The following P2RY1 variants were observed in gnomAD, a reference collection of about 807,000 sequenced individuals.
P2RY1 encodes the protein purinergic receptor P2Y1.
Under a neutral mutation model 22.8 loss-of-function variants are expected in P2RY1, and 14 were observed. That is an observed-to-expected ratio of 0.61 (90% confidence interval 0.41 to 0.96). The LOEUF (loss-of-function observed/expected upper bound fraction) is 0.96, where lower values mean the gene tolerates loss of function less well. Among genes scored for constraint, P2RY1 ranks in the 40% least tolerant of loss-of-function variants. The pLI is 0.00. For missense variants in P2RY1, 395 were observed against 470.3 expected (o/e 0.84, Z 1.48); for synonymous variants, 200 against 195.1 (o/e 1.03, Z -0.21).
In P2RY1 at chr3:152,836,211, A is replaced by G. The variant is rs1202941524; in HGVS notation, c.429A>G (p.Thr143=). The change falls in exon 1 of 1, where the codon ACA becomes ACG. Residue 143 remains threonine, a synonymous_variant. Coordinates refer to ENST00000305097, the MANE Select transcript of P2RY1 (RefSeq NM_002563.5). The surrounding 1 kb of genome is among the most constrained non-coding windows in gnomAD (Gnocchi z 5.6). ...VNLYGSILFL[T]CISAHRYSGV... is the part of the protein sequence containing the mutation. ...TCTATGGCAGCATCTTGTTTCTGAC[A>G]TGCATCAGTGCCCACCGGTACAGCG... The G allele has an allele frequency of 6.2e-7, 1 of 1,614,190 alleles. No homozygotes were observed.
chr3:152,835,635 G>C lies in P2RY1; in HGVS notation c.-148G>C. 1.3e-6 allele frequency: 1 copy of C among 747,336 alleles called. No homozygotes were observed. Among genetic ancestry groups the C allele is most frequent in the Non-Finnish European group, 2.1e-6 (1 of 476,824 alleles). The allele number at this position is 747,336 out of a possible 1,614,324, so 46.3% of individuals were successfully genotyped here. A position where few individuals can be genotyped will look rare whatever the true frequency, so the allele number is the denominator to read the frequency against. ...GCGGGGCCAGAGCTGGCGTGGGCGA[G>C]CCCCTGCGCGCCCCCTCCCGCGGGG... On this transcript the variant is annotated 5_prime_UTR_variant, in exon 1 of 1. Transcript: ENST00000305097.
rs993162182 is a variant in P2RY1, at chr3:152,837,027, T to TA, written c.*130dup. 22 of 765,926 alleles carry TA rather than the reference T, an allele frequency of 2.9e-5. No homozygotes were observed. Among genetic ancestry groups the TA allele is most frequent in the Non-Finnish European group, 4.0e-5 (19 of 476,552 alleles). 47.4% of individuals were successfully genotyped at this position (765,926 alleles called of 1,614,324 possible). On this transcript the variant is annotated 3_prime_UTR_variant, in exon 1 of 1. Coordinates refer to ENST00000305097, the MANE Select transcript of P2RY1 (RefSeq NM_002563.5). Reference sequence around the variant, plus strand: ...AAATCAAACCAAGAAAATAGTGAGTTAAAAAAATAATAGAAGTAGAAATGC... The same window carrying TA: ...AAATCAAACCAAGAAAATAGTGAGTTAAAAAAAATAATAGAAGTAGAAATGC...
rs779538160 is a variant in P2RY1, at chr3:152,840,051, T to C, written c.*3147T>C. 2.0e-5 allele frequency: 3 copies of C among 152,202 alleles called. No homozygotes were observed. Among genetic ancestry groups the C allele is most frequent in the Non-Finnish European group, 2.9e-5 (2 of 68,022 alleles). The allele number at this position is 152,202 out of a possible 1,614,324, so 9.4% of individuals were successfully genotyped here. A position where few individuals can be genotyped will look rare whatever the true frequency, so the allele number is the denominator to read the frequency against. ...GTTGTAGCTATTGTAAAAGTATTTA[T>C]TGAAGAAGCTCACAGTCCTTCAGTT... On this transcript the variant is annotated 3_prime_UTR_variant, in exon 1 of 1. Coordinates refer to ENST00000305097, the MANE Select transcript of P2RY1 (RefSeq NM_002563.5).
rs375587095 is a variant in P2RY1 at position 152,836,284 on chromosome 3, G to A, written c.502G>A (p.Ala168Thr). The A allele has an allele frequency of 3.1e-6, 5 of 1,614,158 alleles. No homozygotes were observed. Among genetic ancestry groups the A allele is most frequent in the Non-Finnish European group, 4.2e-6 (5 of 1,180,024 alleles). The change falls in exon 1 of 1, where the codon GCG becomes ACG. Residue 168 changes from alanine to threonine, a missense_variant. Ala to Thr is a moderately conservative substitution (Grantham distance 58). Coordinates refer to ENST00000305097, the MANE Select transcript of P2RY1 (RefSeq NM_002563.5). The surrounding 1 kb of genome is among the most constrained non-coding windows in gnomAD (Gnocchi z 5.6). ...KSLGRLKKKN[A>T]ICISVLVWLI... is the part of the protein sequence containing the mutation. ...CCTGGGCCGGCTCAAAAAGAAGAAT[G>A]CGATCTGTATCAGCGTGCTGGTGTG... is the stretch of plus-strand genomic sequence containing the variant.
rs774252097 is a variant in P2RY1 at position 152,836,247 on chromosome 3, C to T, written c.465C>T (p.Tyr155=). The change falls in exon 1 of 1, where the codon TAC becomes TAT. Residue 155 remains tyrosine, a synonymous_variant. Transcript: ENST00000305097. The surrounding 1 kb of genome is among the most constrained non-coding windows in gnomAD (Gnocchi z 5.6). ...ISAHRYSGVV[Y]PLKSLGRLKK... ...CCCACCGGTACAGCGGTGTGGTGTA[C>T]CCCCTCAAGTCCCTGGGCCGGCTCA... The T allele has an allele frequency of 1.2e-5, 20 of 1,613,934 alleles. No individual in the cohort carries two copies. The highest frequency in any genetic ancestry group is 1.6e-4 in the Middle Eastern group (1 of 6,084).
rs1212519987 is a variant in P2RY1, at chr3:152,838,997, C to G, written c.*2093C>G. 6.6e-6 allele frequency: 1 copy of G among 152,134 alleles called. No individual in the cohort carries two copies. Among genetic ancestry groups the G allele is most frequent in the African/African-American group, 2.4e-5 (1 of 41,428 alleles). 9.4% of individuals were successfully genotyped at this position (152,134 alleles called of 1,614,324 possible). ...CTTGTACCAGACTTGAACTTGTAGC[C>G]TAATGATACACATTTTTACAATATT... On this transcript the variant is annotated 3_prime_UTR_variant, in exon 1 of 1. Coordinates refer to ENST00000305097, the MANE Select transcript of P2RY1 (RefSeq NM_002563.5).
In P2RY1 at chr3:152,837,023, G is replaced by A. The variant is rs987344001; in HGVS notation, c.*119G>A. ...AAAAAAATCAAACCAAGAAAATAGTGAGTTAAAAAAATAATAGAAGTAGAA... is the reference window on the plus strand; with the variant it reads ...AAAAAAATCAAACCAAGAAAATAGTAAGTTAAAAAAATAATAGAAGTAGAA... On this transcript the variant is annotated 3_prime_UTR_variant, in exon 1 of 1. Coordinates refer to ENST00000305097, the MANE Select transcript of P2RY1 (RefSeq NM_002563.5). 11 of 796,072 alleles carry A rather than the reference G, an allele frequency of 1.4e-5. No homozygotes were observed. The highest frequency in any genetic ancestry group is 2.9e-5 in the Admixed American group (1 of 34,100). The allele number at this position is 796,072 out of a possible 1,614,324, so 49.3% of individuals were successfully genotyped here. A position where few individuals can be genotyped will look rare whatever the true frequency, so the allele number is the denominator to read the frequency against.
In P2RY1 at chr3:152,838,249, T is replaced by G. The variant is rs962038147; in HGVS notation, c.*1345T>G. On this transcript the variant is annotated 3_prime_UTR_variant, in exon 1 of 1. Transcript: ENST00000305097. ...CTAATAGAAGACTATTGGTCAGTGT[T>G]TTCTATTATATTTGTTCTCTGCCAG... 7 of 152,204 alleles carry G rather than the reference T, an allele frequency of 4.6e-5. No homozygotes were observed. Among genetic ancestry groups the G allele is most frequent in the Admixed American group, 2.6e-4 (4 of 15,286 alleles). 9.4% of individuals were successfully genotyped at this position (152,204 alleles called of 1,614,324 possible).
rs573427023 is a variant in P2RY1, at chr3:152,840,250, A to G, written c.*3346A>G. ...AAATATCAGTGTCTTGGAATATTTAAGTCTTCACATTTTTTGGTCTAAAAT... is the reference window on the plus strand; with the variant it reads ...AAATATCAGTGTCTTGGAATATTTAGGTCTTCACATTTTTTGGTCTAAAAT... On this transcript the variant is annotated 3_prime_UTR_variant, in exon 1 of 1. Coordinates refer to ENST00000305097, the MANE Select transcript of P2RY1 (RefSeq NM_002563.5). 3.5e-4 allele frequency: 53 copies of G among 152,326 alleles called. No homozygotes were observed. The highest frequency in any genetic ancestry group is 1.3e-3 in the African/African-American group (53 of 41,582). 9.4% of individuals were successfully genotyped at this position (152,326 alleles called of 1,614,324 possible).
In P2RY1 at chr3:152,835,496, C is replaced by T. The variant is rs1352180238; in HGVS notation, c.-287C>T. ...GTCGGAAAGTTATCCGCGGCGGTTC[C>T]CTGCGCGCCCTGTTGTGTAAGCTCG... On this transcript the variant is annotated 5_prime_UTR_variant, in exon 1 of 1. Coordinates refer to ENST00000305097, the MANE Select transcript of P2RY1 (RefSeq NM_002563.5). The T allele has an allele frequency of 2.3e-6, 1 of 440,622 alleles. No individual in the cohort carries two copies. Among genetic ancestry groups the T allele is most frequent in the Non-Finnish European group, 4.0e-6 (1 of 249,390 alleles). The allele number at this position is 440,622 out of a possible 1,614,324, so 27.3% of individuals were successfully genotyped here. A position where few individuals can be genotyped will look rare whatever the true frequency, so the allele number is the denominator to read the frequency against.
At position 152,840,906 on chromosome 3, in the gene P2RY1, T is replaced by C. The variant is rs976654455; in HGVS notation, c.*4002T>C. 1 of 152,232 alleles carries C rather than the reference T, an allele frequency of 6.6e-6. No homozygotes were observed. The highest frequency in any genetic ancestry group is 2.4e-5 in the African/African-American group (1 of 41,456). 9.4% of individuals were successfully genotyped at this position (152,232 alleles called of 1,614,324 possible). ...TCTGTTAGAGTTTTTTATTCTGTTG[T>C]ACATTGTATTATACACATAATCACA... is the stretch of plus-strand genomic sequence containing the variant. On this transcript the variant is annotated 3_prime_UTR_variant, in exon 1 of 1. Transcript: ENST00000305097.
In P2RY1 at chr3:152,835,758, C is replaced by T. The variant is rs1321957036; in HGVS notation, c.-25C>T. On this transcript the variant is annotated 5_prime_UTR_variant, in exon 1 of 1. Transcript: ENST00000305097. ...CTCGCCGCCTCCTACCCCTCGGAGCCGCCGCCTAAGTCGAGGAGGAGAGAA... is the reference window on the plus strand; with the variant it reads ...CTCGCCGCCTCCTACCCCTCGGAGCTGCCGCCTAAGTCGAGGAGGAGAGAA... 1.3e-6 allele frequency: 2 copies of T among 1,549,512 alleles called. No individual in the cohort carries two copies. Among genetic ancestry groups the T allele is most frequent in the Non-Finnish European group, 1.7e-6 (2 of 1,153,956 alleles).
Position 152,836,676 on chromosome 3 carries a change from C to T in P2RY1, c.894C>T (p.Phe298=). 6.2e-7 allele frequency: 1 copy of T among 1,614,130 alleles called. No homozygotes were observed. Residue 298 remains phenylalanine, a synonymous_variant, in exon 1 of 1, where the codon TTC becomes TTT. Transcript: ENST00000305097. The surrounding 1 kb of genome is among the most constrained non-coding windows in gnomAD (Gnocchi z 5.6). ...LDFQTPAMCA[F]NDRVYATYQV... is the part of the protein sequence containing the mutation. The stretch of plus-strand genomic sequence containing the variant: ...TTCAGACCCCAGCAATGTGTGCTTT[C>T]AATGACAGGGTTTATGCCACGTATC...
Position 152,835,252 on chromosome 3 carries a change from C to T in P2RY1, c.-531C>T, listed in dbSNP as rs1011781978. The T allele has an allele frequency of 6.5e-6, 1 of 153,154 alleles. No individual in the cohort carries two copies. Among genetic ancestry groups the T allele is most frequent in the African/African-American group, 2.4e-5 (1 of 41,482 alleles). 9.5% of individuals were successfully genotyped at this position (153,154 alleles called of 1,614,324 possible). The stretch of plus-strand genomic sequence containing the variant: ...GCTCCGATGGCTGCCAGGAGCTGAG[C>T]TCAGGGTGGGCGGAGGAAGCGGTTA... On this transcript the variant is annotated 5_prime_UTR_variant, in exon 1 of 1. Coordinates refer to ENST00000305097, the MANE Select transcript of P2RY1 (RefSeq NM_002563.5).
At position 152,840,630 on chromosome 3, in the gene P2RY1, T is replaced by TTAA. The variant is rs1192704015; in HGVS notation, c.*3727_*3729dup. The TTAA allele has an allele frequency of 2.0e-5, 3 of 152,136 alleles. No individual in the cohort carries two copies. Among genetic ancestry groups the TTAA allele is most frequent in the African/African-American group, 7.2e-5 (3 of 41,422 alleles). 9.4% of individuals were successfully genotyped at this position (152,136 alleles called of 1,614,324 possible). A position where few individuals can be genotyped will look rare whatever the true frequency, so the allele number is the denominator to read the frequency against. On this transcript the variant is annotated 3_prime_UTR_variant, in exon 1 of 1. Coordinates refer to ENST00000305097, the MANE Select transcript of P2RY1 (RefSeq NM_002563.5). ...CAACGTTACAATGTAAGGAAAATCT[T>TTAA]TAAGGAGATGGGGAGAGAAAAAGGC...
chr3:152,838,101 T>C lies in P2RY1; in HGVS notation c.*1197T>C, dbSNP rs1223939854. The C allele has an allele frequency of 6.2e-6, 1 of 162,364 alleles. No individual in the cohort carries two copies. The highest frequency in any genetic ancestry group is 1.5e-5 in the Non-Finnish European group (1 of 68,090). The allele number at this position is 162,364 out of a possible 1,614,324, so 10.1% of individuals were successfully genotyped here. ...AGGTTGCATTGATAGAATGGGAAGC[T>C]ATAATCTTTGAATAAACCTTACATC... On this transcript the variant is annotated 3_prime_UTR_variant, in exon 1 of 1. Transcript: ENST00000305097.
rs1716273909 is a variant in P2RY1 at position 152,840,616 on chromosome 3, T to C, written c.*3712T>C. On this transcript the variant is annotated 3_prime_UTR_variant, in exon 1 of 1. Transcript: ENST00000305097. ...GGGCATTATATAAACAACGTTACAATGTAAGGAAAATCTTTAAGGAGATGG... is the reference window on the plus strand; with the variant it reads ...GGGCATTATATAAACAACGTTACAACGTAAGGAAAATCTTTAAGGAGATGG... The C allele has an allele frequency of 6.6e-6, 1 of 152,204 alleles. No individual in the cohort carries two copies. Among genetic ancestry groups the C allele is most frequent in the Admixed American group, 6.5e-5 (1 of 15,282 alleles). 9.4% of individuals were successfully genotyped at this position (152,204 alleles called of 1,614,324 possible).
rs1716221868 is a variant in P2RY1, at chr3:152,838,297, A to T, written c.*1393A>T. The T allele has an allele frequency of 6.6e-6, 1 of 152,192 alleles. No individual in the cohort carries two copies. Among genetic ancestry groups the T allele is most frequent in the Non-Finnish European group, 1.5e-5 (1 of 68,026 alleles). The allele number at this position is 152,192 out of a possible 1,614,324, so 9.4% of individuals were successfully genotyped here. ...CAGGTGTTAATGAAAAATTTGTAAA[A>T]TGCTTCAACAGTGTTAATAATTTTA... On this transcript the variant is annotated 3_prime_UTR_variant, in exon 1 of 1. Transcript: ENST00000305097.
chr3:152,840,358 A>G lies in P2RY1; in HGVS notation c.*3454A>G, dbSNP rs1170791964. On this transcript the variant is annotated 3_prime_UTR_variant, in exon 1 of 1. Coordinates refer to ENST00000305097, the MANE Select transcript of P2RY1 (RefSeq NM_002563.5). Reference sequence around the variant, plus strand: ...TGCCTTTTTATTTAAGTTTTTTTCTATATAGACACAATTTGGTGTCAGACT... The same window carrying G: ...TGCCTTTTTATTTAAGTTTTTTTCTGTATAGACACAATTTGGTGTCAGACT... 2.0e-5 allele frequency: 3 copies of G among 152,132 alleles called. No individual in the cohort carries two copies. Among genetic ancestry groups the G allele is most frequent in the African/African-American group, 4.8e-5 (2 of 41,444 alleles). The allele number at this position is 152,132 out of a possible 1,614,324, so 9.4% of individuals were successfully genotyped here.
Sources: gnomAD v4.1 joint callset for allele counts on GRCh38, gnomAD v4.1.1 for gene constraint, Gnocchi (gnomAD v3.1) non-coding constraint, MANE v1.5 for transcripts, NCBI Gene and HGNC (gene_info 2026-07-23, HGNC 2026-07-21) for gene names.